The following UGT1A10 variants were observed in gnomAD, a reference collection of about 807,000 sequenced individuals.
The protein encoded by UGT1A10 is UDP-glucuronosyltransferase 1A10.
In UGT1A10, 49 loss-of-function variants were observed where a neutral mutation model predicts 45.8. The ratio of observed to expected loss-of-function variants is 1.07; its 90% CI spans 0.85 to 1.36. UGT1A10 has a LOEUF of 1.36. Among genes scored for constraint, UGT1A10 ranks in the 40% most tolerant of loss-of-function variants. The probability of loss-of-function intolerance (pLI) is 0.00; values close to 1 mark genes in which losing one functional copy is unlikely to be tolerated. For missense variants in UGT1A10, 745 were observed against 668.6 expected, an observed-to-expected ratio of 1.11 and a Z score of -1.26; for synonymous variants, 284 against 249.7, an observed-to-expected ratio of 1.14 and a Z score of -1.29.
intron 4 of UGT1A10, among the ~76,000 whole-genome samples, chr2:233,768,745 G>A (rs1699716714): frequency 1.3e-5 from 2 of 151,730 alleles, no homozygotes; most frequent in Admixed American, 1.3e-4. Context: ...ACCACGCCCG[G>A]TTAATTTTTG....
intron 1 of UGT1A10, among the ~76,000 whole-genome samples, chr2:233,652,848 T>C (rs1196688009): frequency 6.6e-6 from 1 of 152,212 alleles, no homozygotes; most frequent in Non-Finnish European, 1.5e-5. Flanking sequence ...AAGCTAGAAG[T>C]GTAAAAGTTT....
intron 1 of UGT1A10, chr2:233,760,950 T>C: frequency 1.2e-6 from 2 of 1,614,226 alleles, no homozygotes; most frequent in East Asian, 2.2e-5. Context: ...CACAGAACTT[T>C]CTGTGCGACG....
chr2:233,639,843 T>C, intron 1 of UGT1A10, among the ~76,000 whole-genome samples: 1 of 152,268 alleles, frequency 6.6e-6, no homozygotes, highest in East Asian at 1.9e-4. Context: ...CATTTCAGTA[T>C]TCTAATGTGT....
intron 1 of UGT1A10, among the ~76,000 whole-genome samples, chr2:233,702,065 TG>T (rs1411404242): frequency 6.6e-6 from 1 of 152,236 alleles, no homozygotes; most frequent in Non-Finnish European, 1.5e-5. Context: ...CTAATTTTAA[TG>T]GTTTTTGGTA....
At chr2:233,642,885 T>A (rs2073490232) in intron 1 of UGT1A10, among the ~76,000 whole-genome samples, 1 of 152,016 alleles carries the variant, frequency 6.6e-6, no homozygotes, top group South Asian at 2.1e-4. Context: ...TCTCTCTCTC[T>A]CACTCTCTCT....
rs939298630 is a variant in UGT1A10, at chr2:233,760,212, G to A, written c.856-6822G>A. ...ACGTGACACAGTCAAACATTAACTT[G>A]GTGTATCGATTGGTTTTTGCCATAT... On this transcript the variant is annotated intron_variant, in intron 1 of 4. Coordinates refer to ENST00000344644, the MANE Select transcript of UGT1A10 (RefSeq NM_019075.4). 1.9e-5 allele frequency: 30 copies of A among 1,591,462 alleles called. No homozygotes were observed. The Admixed American group carries it at 4.7e-4, about 25-fold the overall frequency.
intron 1 of UGT1A10, among the ~76,000 whole-genome samples, chr2:233,661,186 T>C (rs1255034443): frequency 6.6e-6 from 1 of 151,814 alleles, no homozygotes; most frequent in Non-Finnish European, 1.5e-5. Flanking sequence ...CTGAAATATG[T>C]GAGCGTTCCC....
intron 1 of UGT1A10, among the ~76,000 whole-genome samples, chr2:233,652,869 A>T (rs1193190353): frequency 1.3e-5 from 2 of 152,256 alleles, no homozygotes; most frequent in Admixed American, 6.5e-5. Flanking sequence ...AGAAGGAAAC[A>T]TTTGGGGAAG....
In UGT1A10 at chr2:233,772,448, C is replaced by T. The variant is rs199539868; in HGVS notation, c.1482C>T (p.Ala494=). The change falls in exon 5 of 5, where the codon GCC becomes GCT. Residue 494 remains alanine (A), a synonymous_variant. Transcript: ENST00000344644. ...HSLDVIGFLL[A]VVLTVAFITF... The stretch of plus-strand genomic sequence containing the variant: ...TGGACGTGATTGGTTTCCTCTTGGC[C>T]GTCGTGCTGACAGTGGCCTTCATCA... 42 of 1,614,180 alleles carry T rather than the reference C, an allele frequency of 2.6e-5. No homozygotes were observed. In the East Asian group the frequency reaches 7.4e-4, roughly 28 times the overall value.
intron 1 of UGT1A10, among the ~76,000 whole-genome samples, chr2:233,700,049 A>G (rs1170683742): frequency 6.6e-6 from 1 of 152,212 alleles, no homozygotes; most frequent in Non-Finnish European, 1.5e-5. Context: ...ATCAATTCCA[A>G]GTGAATCCAG....
intron 1 of UGT1A10, among the ~76,000 whole-genome samples, chr2:233,725,216 A>C (rs1559370373): frequency 4.4e-5 from 2 of 45,274 alleles, no homozygotes; most frequent in African/African-American, 2.5e-4. Flanking sequence ...AGGCAGAGGC[A>C]GAGGAGGCAG....
chr2:233,714,792 G>A (rs1347509231), intron 1 of UGT1A10, among the ~76,000 whole-genome samples: 5 of 152,156 alleles, frequency 3.3e-5, no homozygotes, highest in Non-Finnish European at 7.3e-5. Context: ...CACATTTCAA[G>A]TGCTCAATAT....
Position 233,725,059 on chromosome 2 carries a change from C to G in UGT1A10, c.856-41975C>G, listed in dbSNP as rs1273678780. Among the ~76,000 whole-genome samples the G allele has an allele frequency of 1.3e-3, 185 of 147,066 alleles. 18 individuals carry two copies. In the East Asian group the frequency reaches 0.027, roughly 21 times the overall value. ...AAAACCAGTCAGGCGTGGCGGCGCG[C>G]GCCTGCAATCGCAGGCACTCGGCAG... On this transcript the variant is annotated intron_variant, in intron 1 of 4. Coordinates refer to ENST00000344644, the MANE Select transcript of UGT1A10 (RefSeq NM_019075.4).
intron 1 of UGT1A10, among the ~76,000 whole-genome samples, chr2:233,736,432 A>G (rs1471757710): frequency 6.6e-6 from 1 of 152,142 alleles, no homozygotes; most frequent in East Asian, 1.9e-4. Flanking sequence ...TCAAGGTTCA[A>G]CCTTCCTTGC....
intron 1 of UGT1A10, chr2:233,743,777 T>C (rs1692497212): frequency 7.3e-7 from 1 of 1,367,292 alleles, no homozygotes; most frequent in Admixed American, 1.9e-5. Flanking sequence ...GGCCACCTGC[T>C]TGAATCTCCT....
intron 4 of UGT1A10, chr2:233,771,736 GTCTT>G (rs1408768214): frequency 2.0e-5 from 3 of 152,960 alleles, no homozygotes; most frequent in Non-Finnish European, 4.4e-5. Flanking sequence ...TATAATTTTG[GTCTT>G]TCTTTTTCTC....
At chr2:233,675,872 A>G (rs1208068798) in intron 1 of UGT1A10, among the ~76,000 whole-genome samples, 3 of 152,196 alleles carry the variant, frequency 2.0e-5, no homozygotes, top group Non-Finnish European at 4.4e-5. Flanking sequence ...AATTTGTTAC[A>G]TAGCCACAAT....
At chr2:233,743,788 C>T (rs1478609008) in intron 1 of UGT1A10, 1 of 1,367,378 alleles carries the variant, frequency 7.3e-7, no homozygotes, top group Admixed American at 1.9e-5. Flanking sequence ...TGAATCTCCT[C>T]TCCGCTTCCT....
chr2:233,729,968 G>C (rs201755757), intron 1 of UGT1A10: 1 of 1,614,008 alleles, frequency 6.2e-7, no homozygotes. Context: ...GGCATCAACT[G>C]TGCCAACAGG....
Sources: allele counts gnomAD v4.1 joint callset (sites outside exome capture counted in the v4.1 genomes callset), GRCh38; gene constraint gnomAD v4.1.1; transcripts MANE v1.5; gene names NCBI Gene and HGNC (gene_info 2026-07-23, HGNC 2026-07-21).